CBFA2T3: variants seen among roughly 807,000 people sequenced by gnomAD.
CBFA2T3 encodes the protein transcriptional corepressor CBFA2T3.
A neutral mutation model predicts 58.6 loss-of-function variants in CBFA2T3; 31 were observed. The observed-to-expected ratio is 0.53, with a 90% CI of 0.40 to 0.71. The LOEUF is 0.71. Ranked by LOEUF, CBFA2T3 falls within the 30% of genes least tolerant of loss-of-function variation. The probability of loss-of-function intolerance (pLI) is 0.00; values close to 1 mark genes in which losing one functional copy is unlikely to be tolerated. For synonymous variants in CBFA2T3, 531 were observed against 421.9 expected (o/e 1.26, Z -3.17); for missense variants, 1,076 against 963.1 (o/e 1.12, Z -1.55).
chr16:88,913,527 G>A (rs961807064), intron 1 of CBFA2T3, among the ~76,000 whole-genome samples: 4 of 152,322 alleles, frequency 2.6e-5, no homozygotes, highest in Non-Finnish European at 5.9e-5. Context: ...CACAGCTGGT[G>A]AGAGGGAGGC....
At chr16:88,967,368 C>T (rs539553006) in intron 1 of CBFA2T3, among the ~76,000 whole-genome samples, 19 of 152,352 alleles carry the variant, frequency 1.2e-4, no homozygotes, top group East Asian at 5.8e-4. Context: ...TGCCTGGGAG[C>T]GACGGGGACG....
At chr16:88,925,877 C>T (rs1182857749) in intron 1 of CBFA2T3, among the ~76,000 whole-genome samples, 1 of 152,224 alleles carries the variant, frequency 6.6e-6, no homozygotes, top group African/African-American at 2.4e-5. Flanking sequence ...CGGTGCCATC[C>T]TCTCTACGCC....
intron 1 of CBFA2T3, among the ~76,000 whole-genome samples, chr16:88,906,918 G>C (rs141974126): frequency 5.9e-5 from 9 of 152,386 alleles, no homozygotes; most frequent in African/African-American, 2.2e-4. Flanking sequence ...ACGCGGCCCT[G>C]TGGGTGTCAC....
At chr16:88,910,212 G>GC (rs781665291) in intron 1 of CBFA2T3, among the ~76,000 whole-genome samples, 82 of 152,308 alleles carry the variant, frequency 5.4e-4, no homozygotes, top group Non-Finnish European at 9.7e-4. Flanking sequence ...CCAGGTCCCC[G>GC]CAAGTCTGCC....
At chr16:88,927,382 ATCC>A (rs1040661598) in intron 1 of CBFA2T3, among the ~76,000 whole-genome samples, 17 of 152,118 alleles carry the variant, frequency 1.1e-4, no homozygotes, top group Non-Finnish European at 2.1e-4. Context: ...GGGGCCCCAG[ATCC>A]TCCTCGAGCC....
chr16:88,907,907 T>C (rs1457674010), intron 1 of CBFA2T3, among the ~76,000 whole-genome samples: 1 of 152,234 alleles, frequency 6.6e-6, no homozygotes, highest in Non-Finnish European at 1.5e-5. Flanking sequence ...TGGGTTTCCC[T>C]CTATGCGGTT....
chr16:88,909,659 G>A (rs1408487281), intron 1 of CBFA2T3, among the ~76,000 whole-genome samples: 3 of 152,024 alleles, frequency 2.0e-5, no homozygotes, highest in Non-Finnish European at 4.4e-5. Flanking sequence ...AGCTTCCTCT[G>A]GGAAAGGCAC....
chr16:88,914,846 G>C (rs1458159801), intron 1 of CBFA2T3, among the ~76,000 whole-genome samples: 2 of 152,224 alleles, frequency 1.3e-5, no homozygotes, highest in African/African-American at 4.8e-5. Flanking sequence ...TCTGGGGCCT[G>C]CTTGCCCCGT....
intron 1 of CBFA2T3, among the ~76,000 whole-genome samples, chr16:88,961,423 C>T (rs972715042): frequency 1.3e-5 from 2 of 150,966 alleles, no homozygotes; most frequent in Non-Finnish European, 1.5e-5. Flanking sequence ...CCATAGTAAC[C>T]GACCTCAGCG....
intron 1 of CBFA2T3, among the ~76,000 whole-genome samples, chr16:88,921,082 G>A (rs574735402): frequency 3.3e-5 from 5 of 152,384 alleles, no homozygotes; most frequent in African/African-American, 1.2e-4. Context: ...CCTTCCCCCA[G>A]GCAAGGCCTG....
At chr16:88,966,912 G>A (rs1351742362) in intron 1 of CBFA2T3, among the ~76,000 whole-genome samples, 1 of 152,180 alleles carries the variant, frequency 6.6e-6, no homozygotes, top group Non-Finnish European at 1.5e-5. Context: ...GACTCTGGAA[G>A]CCCAGGATGA....
Position 88,892,454 on chromosome 16 carries a change from G to A in CBFA2T3, c.411C>T (p.Ala137=). Residue 137 remains alanine, a synonymous_variant, in exon 4 of 12, where the codon GCC becomes GCT. Transcript: ENST00000268679. Reference sequence around the variant, plus strand: ...TGGGTGTGCACGGTGCACCATTGATGGCTGTTGGTGAGTGGCTGCTGCCGT... The same window carrying A: ...TGGGTGTGCACGGTGCACCATTGATAGCTGTTGGTGAGTGGCTGCTGCCGT... ...LMNGSSHSPT[A]INGAPCTPNG... 1 of 1,613,332 alleles carries A rather than the reference G, an allele frequency of 6.2e-7. No homozygotes were observed. The highest frequency in any genetic ancestry group is 8.5e-7 in the Non-Finnish European group (1 of 1,179,994).
chr16:88,877,337 C>A, intron 11 of CBFA2T3, 62 bp from the exon 12 acceptor site: 1 of 1,391,410 alleles, frequency 7.2e-7, no homozygotes, highest in Non-Finnish European at 9.7e-7. Flanking sequence ...CCAACACACG[C>A]CTCAACCAAG....
At chr16:88,945,718 C>T (rs1025678529) in intron 1 of CBFA2T3, among the ~76,000 whole-genome samples, 2 of 152,134 alleles carry the variant, frequency 1.3e-5, no homozygotes, top group Non-Finnish European at 2.9e-5. Flanking sequence ...TCATTGCCGA[C>T]GGGAATGCAA....
intron 1 of CBFA2T3, among the ~76,000 whole-genome samples, chr16:88,947,665 A>G (rs1971938635): frequency 6.6e-6 from 1 of 152,208 alleles, no homozygotes; most frequent in Admixed American, 6.6e-5. Flanking sequence ...TGTAATCCCA[A>G]TGCTTTGGGA....
intron 1 of CBFA2T3, among the ~76,000 whole-genome samples, chr16:88,967,215 AC>A (rs138273844): frequency 0.26 from 19,188 of 73,368 alleles, 1,610 homozygotes; most frequent in Middle Eastern, 0.35. Flanking sequence ...GCGCCATGCC[AC>A]CCCCCCAGCC....
At chr16:88,918,499 C>T (rs978668649) in intron 1 of CBFA2T3, among the ~76,000 whole-genome samples, 8 of 152,244 alleles carry the variant, frequency 5.3e-5, no homozygotes, top group Admixed American at 1.3e-4. Flanking sequence ...GTGGGGCTCC[C>T]GCCCCTCCAG....
At chr16:88,951,057 T>C in intron 1 of CBFA2T3, 1 of 389,648 alleles carries the variant, frequency 2.6e-6, no homozygotes, top group South Asian at 1.7e-5. Flanking sequence ...GGCACCTGTC[T>C]TCCGGATCTG....
chr16:88,930,063 G>A (rs113223591), intron 1 of CBFA2T3, among the ~76,000 whole-genome samples: 10 of 145,470 alleles, frequency 6.9e-5, no homozygotes, highest in South Asian at 2.1e-4. Context: ...CATCGTCCAC[G>A]CAAAAGCTAC....
Sources: allele counts gnomAD v4.1 joint callset (sites outside exome capture counted in the v4.1 genomes callset), GRCh38; gene constraint gnomAD v4.1.1; transcripts MANE v1.5; gene names NCBI Gene and HGNC (gene_info 2026-07-23, HGNC 2026-07-21).